USP34: variants seen among roughly 807,000 people sequenced by gnomAD.
USP34 encodes ubiquitin carboxyl-terminal hydrolase 34.
USP34 carries 70 observed loss-of-function variants against 460.3 expected under a neutral mutation model. The ratio of observed to expected loss-of-function variants is 0.15; its 90% CI spans 0.13 to 0.19. The LOEUF is 0.19. Among genes scored for constraint, USP34 ranks in the 10% least tolerant of loss-of-function variants. The probability of loss-of-function intolerance (pLI) is 1.00; values close to 1 mark genes in which losing one functional copy is unlikely to be tolerated. For missense variants in USP34, 3,985 were observed against 4,236.2 expected (o/e 0.94, Z 1.65); for synonymous variants, 1,647 against 1,405.3 (o/e 1.17, Z -3.85).
At chr2:61,310,580 A>G (rs1223768658) in intron 27 of USP34, among the ~76,000 whole-genome samples, 3 of 150,886 alleles carry the variant, frequency 2.0e-5, no homozygotes, top group Non-Finnish European at 3.0e-5. Context: ...TTCTTACATT[A>G]TATCTTGGTA....
chr2:61,283,349 A>C, intron 36 of USP34, 60 bp downstream of exon 36: 1 of 1,568,794 alleles, frequency 6.4e-7, no homozygotes, highest in Non-Finnish European at 8.6e-7. Context: ...TAAAGGTAAA[A>C]TATATCAATA....
intron 75 of USP34, among the ~76,000 whole-genome samples, chr2:61,194,951 CAAAAAA>C (rs59097382): frequency 3.2e-5 from 4 of 126,234 alleles, no homozygotes; most frequent in South Asian, 2.5e-4. Context: ...GAAACTCTGT[CAAAAAA>C]AAAAAAAAAA....
At chr2:61,412,236 GA>G (rs1694062797) in intron 2 of USP34, among the ~76,000 whole-genome samples, 1 of 129,402 alleles carries the variant, frequency 7.7e-6, no homozygotes, top group African/African-American at 3.2e-5. Flanking sequence ...GAAACAGAAA[GA>G]AAAGAAAAGA....
chr2:61,444,875 T>G (rs1695063978), intron 1 of USP34, among the ~76,000 whole-genome samples: 1 of 150,456 alleles, frequency 6.6e-6, no homozygotes, highest in African/African-American at 2.5e-5. Context: ...CTCTTCCTTC[T>G]GCCTTATCGT....
Position 61,239,060 on chromosome 2 carries a change from C to T in USP34, c.6777+2500G>A, listed in dbSNP as rs1241860453. Among the ~76,000 whole-genome samples the T allele has an allele frequency of 7.2e-5, 11 of 152,046 alleles. 1 individual carries two copies. The highest frequency in any genetic ancestry group is 7.2e-4 in the Admixed American group (11 of 15,238). On this transcript the variant is annotated intron_variant, in intron 53 of 79. Transcript: ENST00000398571. The stretch of plus-strand genomic sequence containing the variant: ...TGTGATTGTTTCAGGGTACCACGAA[C>T]TACACCCATATAAGACGGCAAACTT...
intron 1 of USP34, among the ~76,000 whole-genome samples, chr2:61,423,146 C>G (rs936698811): frequency 2.6e-5 from 4 of 152,216 alleles, no homozygotes; most frequent in African/African-American, 9.7e-5. Context: ...GACAGTCTCA[C>G]TCTTTTGCCC....
chr2:61,435,602 A>G (rs2104009367), intron 1 of USP34, among the ~76,000 whole-genome samples: 1 of 152,332 alleles, frequency 6.6e-6, no homozygotes. Flanking sequence ...CAAGAATTTC[A>G]TATATGGAAG....
chr2:61,401,979 C>T (rs1194943525), intron 3 of USP34, among the ~76,000 whole-genome samples: 1 of 151,824 alleles, frequency 6.6e-6, no homozygotes, highest in Non-Finnish European at 1.5e-5. Flanking sequence ...TGGCAAGGCA[C>T]TATGGCTCAT....
rs771411371 is a variant in USP34, at chr2:61,339,341, T to G, written c.2744+10A>C. On this transcript the variant is annotated intron_variant, in intron 18 of 79. Coordinates refer to ENST00000398571, the MANE Select transcript of USP34 (RefSeq NM_014709.4). ...ACTACTGCATTAAAAATTTTTAAAT[T>G]CCTCTTTACCTGTTGTTTCCCAAGT... 6.3e-7 allele frequency: 1 copy of G among 1,597,026 alleles called. No homozygotes were observed. Among genetic ancestry groups the G allele is most frequent in the Admixed American group, 1.8e-5 (1 of 56,018 alleles).
At position 61,340,904 on chromosome 2, in the gene USP34, C is replaced by T. The variant is rs1203523049; in HGVS notation, c.2501-1223G>A. Among the ~76,000 whole-genome samples the T allele has an allele frequency of 3.1e-4, 31 of 100,514 alleles. 1 individual carries two copies. Among genetic ancestry groups the T allele is most frequent in the East Asian group, 1.8e-3 (7 of 3,918 alleles). The allele number at this position is 100,514 out of a possible 152,430, so 65.9% of individuals were successfully genotyped here. A position where few individuals can be genotyped will look rare whatever the true frequency, so the allele number is the denominator to read the frequency against. Reference sequence around the variant, plus strand: ...GGGTGGGGGGACTGTTTTGGTATTTCGCTTTCATAATTTTATCGAAATACA... The same window carrying T: ...GGGTGGGGGGACTGTTTTGGTATTTTGCTTTCATAATTTTATCGAAATACA... On this transcript the variant is annotated intron_variant, in intron 16 of 79. Transcript: ENST00000398571.
chr2:61,242,113 A>G (rs1172878124), intron 51 of USP34, among the ~76,000 whole-genome samples: 1 of 152,196 alleles, frequency 6.6e-6, no homozygotes, highest in Non-Finnish European at 1.5e-5. Context: ...CAGTGAGGCA[A>G]GAAAGTAGTT....
chr2:61,187,674 C>G lies in USP34; in HGVS notation c.*428G>C, dbSNP rs187721106. 1.4e-4 allele frequency: 75 copies of G among 541,774 alleles called. No individual in the cohort carries two copies. The highest frequency in any genetic ancestry group is 1.8e-4 in the Non-Finnish European group (74 of 422,290). 33.6% of individuals were successfully genotyped at this position (541,774 alleles called of 1,614,324 possible). On this transcript the variant is annotated 3_prime_UTR_variant, in exon 80 of 80. Transcript: ENST00000398571. ...AAATTTCTTGTGGTTGTTCCGTATA[C>G]AAGTAAACTTAATTTTGATAATAAG... is the stretch of plus-strand genomic sequence containing the variant.
At chr2:61,405,232 CAAAAAAAA>C (rs199659618) in intron 3 of USP34, among the ~76,000 whole-genome samples, 4 of 78,054 alleles carry the variant, frequency 5.1e-5, no homozygotes, top group Non-Finnish European at 9.2e-5. Context: ...GACTCCATCT[CAAAAAAAA>C]AAAAAAAAAA....
intron 1 of USP34, among the ~76,000 whole-genome samples, chr2:61,457,408 C>T (rs544443590): frequency 1.3e-5 from 2 of 152,302 alleles, no homozygotes; most frequent in East Asian, 3.9e-4. Context: ...AAGTAAAGCA[C>T]ACCTGAATAT....
At chr2:61,288,589 T>C in intron 34 of USP34, 88 bp downstream of exon 34, 8 of 1,377,648 alleles carry the variant, frequency 5.8e-6, no homozygotes, top group African/African-American at 1.4e-5. Context: ...CACAGTAATC[T>C]AGAATACATT....
intron 32 of USP34, 50 bp downstream of exon 32, chr2:61,294,899 T>C: frequency 6.8e-7 from 1 of 1,472,806 alleles, no homozygotes; most frequent in South Asian, 1.2e-5. Context: ...TTTGAAAAAC[T>C]GAAGATAAAT....
Position 61,367,850 on chromosome 2 carries a change from C to G in USP34, c.1251+2471G>C, listed in dbSNP as rs1692486284. On this transcript the variant is annotated intron_variant, in intron 10 of 79. Coordinates refer to ENST00000398571, the MANE Select transcript of USP34 (RefSeq NM_014709.4). Reference sequence around the variant, plus strand: ...ACAGAACTTCAGTTCTCAAATTAATCATCATTAACACAATGAAAATATTTT... The same window carrying G: ...ACAGAACTTCAGTTCTCAAATTAATGATCATTAACACAATGAAAATATTTT... Among the ~76,000 whole-genome samples the G allele has an allele frequency of 8.7e-5, 12 of 138,700 alleles. No individual in the cohort carries two copies. In the Admixed American group the frequency reaches 8.7e-4, roughly 10 times the overall value. 91.0% of individuals were successfully genotyped at this position (138,700 alleles called of 152,430 possible). A position where few individuals can be genotyped will look rare whatever the true frequency, so the allele number is the denominator to read the frequency against.
rs1056944173 is a variant in USP34 at position 61,337,070 on chromosome 2, G to A, written c.2744+2281C>T. Reference sequence around the variant, plus strand: ...TACAAAAGAGGGCACAGATCTAAGCGCACAGCTCAAAATACTGAGGTAAAC... The same window carrying A: ...TACAAAAGAGGGCACAGATCTAAGCACACAGCTCAAAATACTGAGGTAAAC... On this transcript the variant is annotated intron_variant, in intron 18 of 79. Transcript: ENST00000398571. Among the ~76,000 whole-genome samples, 10 of 152,108 alleles carry A rather than the reference G, an allele frequency of 6.6e-5. No homozygotes were observed. The East Asian group carries it at 1.4e-3, about 21-fold the overall frequency.
chr2:61,326,492 T>A (rs567537808), intron 20 of USP34, among the ~76,000 whole-genome samples: 28 of 152,310 alleles, frequency 1.8e-4, no homozygotes, highest in African/African-American at 5.8e-4. Context: ...CCTAGCAAAG[T>A]GCTGGGATTA....
Sources: gnomAD v4.1 joint callset for allele counts (sites outside exome capture counted in the v4.1 genomes callset) on GRCh38, gnomAD v4.1.1 for gene constraint, MANE v1.5 for transcripts, NCBI Gene and HGNC (gene_info 2026-07-23, HGNC 2026-07-21) for gene names.